Variants in KLHL6 observed in about 807,000 individuals in gnomAD.
KLHL6 encodes kelch like family member 6.
In KLHL6, 41 loss-of-function variants were observed where a neutral mutation model predicts 58.6. The ratio of observed to expected loss-of-function variants is 0.70; its 90% CI spans 0.55 to 0.91. KLHL6 has a LOEUF of 0.91. Ranked by LOEUF, KLHL6 falls within the 40% of genes least tolerant of loss-of-function variation. The pLI, the probability that KLHL6 is intolerant of heterozygous loss-of-function variation, is 0.00. For missense variants in KLHL6, 714 were observed against 805.6 expected (o/e 0.89, Z 1.38); for synonymous variants, 338 against 322.7 (o/e 1.05, Z -0.51).
At chr3:183,532,611 G>C (rs1322455713) in intron 1 of KLHL6, among the ~76,000 whole-genome samples, 1 of 152,218 alleles carries the variant, frequency 6.6e-6, no homozygotes, top group Non-Finnish European at 1.5e-5. Flanking sequence ...ATTATGGATA[G>C]GATTTCTAGG....
At chr3:183,509,804 A>G (rs1340038824) in intron 2 of KLHL6, among the ~76,000 whole-genome samples, 1 of 152,214 alleles carries the variant, frequency 6.6e-6, no homozygotes, top group African/African-American at 2.4e-5. Flanking sequence ...TAGTTCTCCC[A>G]CAGAAACAGG....
At chr3:183,546,527 G>A (rs1712724664) in intron 1 of KLHL6, among the ~76,000 whole-genome samples, 1 of 152,100 alleles carries the variant, frequency 6.6e-6, no homozygotes, top group South Asian at 2.1e-4. Flanking sequence ...GGGTGGCTTC[G>A]GGCTGCGGTC....
chr3:183,492,723 G>A lies in KLHL6; in HGVS notation c.1351-16C>T. ...GGGGTGCGGCCTGTAGAGGCACAGGGCACAAGAAGAAGCTGTCAGTCATGC... is the reference window on the plus strand; with the variant it reads ...GGGGTGCGGCCTGTAGAGGCACAGGACACAAGAAGAAGCTGTCAGTCATGC... On this transcript the variant is annotated splice_polypyrimidine_tract_variant and intron_variant, in intron 5 of 6. Transcript: ENST00000341319. This position sits in a 1 kb window ranked among gnomAD's most constrained non-coding sequence, Gnocchi z 5.9. The A allele has an allele frequency of 1.9e-6, 3 of 1,611,224 alleles. No homozygotes were observed. Among genetic ancestry groups the A allele is most frequent in the Non-Finnish European group, 2.5e-6 (3 of 1,179,092 alleles).
chr3:183,504,709 A>C (rs756889605), intron 3 of KLHL6, among the ~76,000 whole-genome samples: 5 of 152,194 alleles, frequency 3.3e-5, no homozygotes, highest in Non-Finnish European at 5.9e-5. Flanking sequence ...ATTTATTTTA[A>C]CTTTTAGGTT....
At chr3:183,543,891 T>C (rs1410624367) in intron 1 of KLHL6, among the ~76,000 whole-genome samples, 1 of 152,084 alleles carries the variant, frequency 6.6e-6, no homozygotes, top group Non-Finnish European at 1.5e-5. Context: ...AGGCCGGGTG[T>C]GGTGGCTCAC....
intron 2 of KLHL6, chr3:183,521,505 C>T (rs1473008478): frequency 6.6e-6 from 1 of 152,214 alleles, no homozygotes; most frequent in Non-Finnish European, 1.5e-5. Flanking sequence ...AGGGTGATGG[C>T]TTGTTTCAGG....
At position 183,516,542 on chromosome 3, in the gene KLHL6, G is replaced by A. The variant is rs116538715; in HGVS notation, c.460-8034C>T. 7.8e-3 allele frequency among the ~76,000 whole-genome samples: 1,182 copies of A among 152,296 alleles called. 10 individuals are homozygous for A. The highest frequency in any genetic ancestry group is 0.027 in the African/African-American group (1,133 of 41,548). ...TACAATCAAAGAAACCACTTGAGACGTGGCTGCAGTTCCCACAAGAAGTGT... is the reference window on the plus strand; with the variant it reads ...TACAATCAAAGAAACCACTTGAGACATGGCTGCAGTTCCCACAAGAAGTGT... On this transcript the variant is annotated intron_variant, in intron 2 of 6. Transcript: ENST00000341319.
chr3:183,546,470 G>A (rs1430733022), intron 1 of KLHL6, among the ~76,000 whole-genome samples: 1 of 152,134 alleles, frequency 6.6e-6, no homozygotes, highest in African/African-American at 2.4e-5. Flanking sequence ...TGCAGCTGTG[G>A]CCCCAGCATT....
At chr3:183,519,079 A>G (rs1711652592) in intron 2 of KLHL6, among the ~76,000 whole-genome samples, 1 of 152,224 alleles carries the variant, frequency 6.6e-6, no homozygotes, top group South Asian at 2.1e-4. Context: ...CCGGTATGGC[A>G]GCAGCAGATG....
intron 2 of KLHL6, among the ~76,000 whole-genome samples, chr3:183,516,120 G>C (rs1310809326): frequency 2.0e-5 from 3 of 152,168 alleles, no homozygotes; most frequent in Non-Finnish European, 2.9e-5. Context: ...AATGCCAGGA[G>C]AGTCTGAAGA....
rs1717513904 is a variant in KLHL6, at chr3:183,490,530, G to T, written c.*1397C>A. On this transcript the variant is annotated 3_prime_UTR_variant, in exon 7 of 7. Transcript: ENST00000341319. ...TGATCATTTAAAAAAAAAAAGACCG[G>T]GCCCAGTGGCTCACACCTGTAATCC... The T allele has an allele frequency of 2.0e-5, 3 of 152,060 alleles. No homozygotes were observed. Among genetic ancestry groups the T allele is most frequent in the African/African-American group, 7.2e-5 (3 of 41,392 alleles). The allele number at this position is 152,060 out of a possible 1,614,324, so 9.4% of individuals were successfully genotyped here.
chr3:183,548,788 A>ATGTAGGTCTG (rs1712809541), intron 1 of KLHL6: 3 of 152,142 alleles, frequency 2.0e-5, no homozygotes, highest in African/African-American at 7.3e-5. Context: ...TGCCAAGAAC[A>ATGTAGGTCTG]TATACACCAT....
chr3:183,516,118 G>A (rs372960577), intron 2 of KLHL6, among the ~76,000 whole-genome samples: 1 of 152,148 alleles, frequency 6.6e-6, no homozygotes, highest in Non-Finnish European at 1.5e-5. Flanking sequence ...AAAATGCCAG[G>A]AGAGTCTGAA....
In KLHL6 at chr3:183,554,998, C is replaced by G. The variant is rs571967183; in HGVS notation, c.293+363G>C. 2.1e-4 allele frequency among the ~76,000 whole-genome samples: 32 copies of G among 152,198 alleles called. No individual in the cohort carries two copies. The East Asian group carries it at 6.2e-3, about 29-fold the overall frequency. ...TGACCAACATGGAGAAACCCCATCT[C>G]TATTGAAAATACAAAATTATCCGGG... On this transcript the variant is annotated intron_variant, in intron 1 of 6. Coordinates refer to ENST00000341319, the MANE Select transcript of KLHL6 (RefSeq NM_130446.4).
chr3:183,524,709 A>T (rs1363347130), intron 2 of KLHL6, among the ~76,000 whole-genome samples: 2 of 152,212 alleles, frequency 1.3e-5, no homozygotes, highest in African/African-American at 2.4e-5. Context: ...GGTGGGTAAC[A>T]GGAAGACACT....
chr3:183,545,962 T>A (rs1712703627), intron 1 of KLHL6, among the ~76,000 whole-genome samples: 1 of 152,210 alleles, frequency 6.6e-6, no homozygotes, highest in Non-Finnish European at 1.5e-5. Flanking sequence ...AGGAGGAAGA[T>A]CCAAGCGTTC....
In KLHL6 at chr3:183,551,664, G is replaced by A. The variant is rs193158167; in HGVS notation, c.293+3697C>T. 2.6e-5 allele frequency among the ~76,000 whole-genome samples: 4 copies of A among 152,288 alleles called. No homozygotes were observed. In the East Asian group the frequency reaches 7.7e-4, roughly 29 times the overall value. On this transcript the variant is annotated intron_variant, in intron 1 of 6. Transcript: ENST00000341319. Reference sequence around the variant, plus strand: ...TACTAAATCCTTATTTGAAATCAGTGAATGATGTCTAACACTGAAAAATCA... The same window carrying A: ...TACTAAATCCTTATTTGAAATCAGTAAATGATGTCTAACACTGAAAAATCA...
chr3:183,552,230 T>C (rs1712944024), intron 1 of KLHL6: 1 of 152,246 alleles, frequency 6.6e-6, no homozygotes, highest in Non-Finnish European at 1.5e-5. Flanking sequence ...TTCAGGTTAT[T>C]CATTACAACA....
intron 4 of KLHL6, 21 bp from the exon 5 acceptor site, chr3:183,494,302 T>C: frequency 1.9e-6 from 3 of 1,585,242 alleles, no homozygotes; most frequent in Non-Finnish European, 2.6e-6. Flanking sequence ...TACAAAGCAT[T>C]TAAGAAACCA....
Sources: gnomAD v4.1 joint callset for allele counts (sites outside exome capture counted in the v4.1 genomes callset) on GRCh38, gnomAD v4.1.1 for gene constraint, Gnocchi (gnomAD v3.1) non-coding constraint, MANE v1.5 for transcripts, NCBI Gene and HGNC (gene_info 2026-07-23, HGNC 2026-07-21) for gene names.